SIDT2: variants seen among roughly 807,000 people sequenced by gnomAD.
SIDT2 encodes SID1 transmembrane family member 2.
In SIDT2, 68 loss-of-function variants were observed where a neutral mutation model predicts 114.4. The ratio of observed to expected loss-of-function variants is 0.59; its 90% CI spans 0.49 to 0.73. The LOEUF is 0.73. SIDT2 is among the 30% of genes least tolerant of loss of function. SIDT2 has a pLI of 0.00. For synonymous variants in SIDT2, 470 were observed against 438.4 expected, an observed-to-expected ratio of 1.07 and a Z score of -0.90; for missense variants, 918 against 1,097.1, an observed-to-expected ratio of 0.84 and a Z score of 2.31.
chr11:117,183,256 A>C (rs1478976912), intron 6 of SIDT2, among the ~76,000 whole-genome samples: 1 of 151,878 alleles, frequency 6.6e-6, no homozygotes, highest in Non-Finnish European at 1.5e-5. Flanking sequence ...GAGTCAGGAG[A>C]ATCACTTGAA....
At chr11:117,193,464 A>G (rs929691198) in intron 23 of SIDT2, among the ~76,000 whole-genome samples, 2 of 152,198 alleles carry the variant, frequency 1.3e-5, no homozygotes, top group Non-Finnish European at 2.9e-5. Context: ...AGGGCCCTTG[A>G]AACAGGTGGC....
chr11:117,184,196 A>G (rs2030407936), intron 8 of SIDT2, 57 bp downstream of exon 8: 1 of 1,555,500 alleles, frequency 6.4e-7, no homozygotes, highest in Admixed American at 1.7e-5. Context: ...TCCTGCTTTC[A>G]GACCTGGGAT....
In SIDT2 at chr11:117,193,936, C is replaced by T. The variant is rs535566106; in HGVS notation, c.2295C>T (p.Phe765=). The T allele has an allele frequency of 3.7e-5, 60 of 1,614,082 alleles. No individual in the cohort carries two copies. Among genetic ancestry groups the T allele is most frequent in the Middle Eastern group, 1.6e-4 (1 of 6,062 alleles). The change falls in exon 24 of 26, where the codon TTC becomes TTT. Residue 765 remains phenylalanine (F), a synonymous_variant. Transcript: ENST00000324225. The part of the protein sequence containing the change: ...TSVVWGFALF[F]FFQGLSTWQK... ...TGGTCTGGGGCTTCGCGCTCTTCTT[C>T]TTCTTCCAGGGACTCAGCACCTGGC...
At position 117,192,579 on chromosome 11, in the gene SIDT2, G is replaced by T. The variant is rs777613541; in HGVS notation, c.1987G>T (p.Gly663Trp). The T allele has an allele frequency of 3.7e-6, 6 of 1,608,290 alleles. No individual in the cohort carries two copies. The highest frequency in any genetic ancestry group is 5.1e-6 in the Non-Finnish European group (6 of 1,179,686). Reference sequence around the variant, plus strand: ...CCACTCCCTTCTCTTCGCAGACTCGGGGATCTTCCGCCGCATCCTCCACGT... The same window carrying T: ...CCACTCCCTTCTCTTCGCAGACTCGTGGATCTTCCGCCGCATCCTCCACGT... ...YYMGRWKLDSGIFRRILHVLY... is the reference protein window; with the variant it reads ...YYMGRWKLDSWIFRRILHVLY... The change falls in exon 21 of 26, where the codon GGG becomes TGG. Residue 663 changes from glycine (G) to tryptophan (W), a missense_variant. Transcript: ENST00000324225. This position sits in a 1 kb window ranked among gnomAD's most constrained non-coding sequence, Gnocchi z 5.9.
chr11:117,192,785 C>G lies in SIDT2; in HGVS notation c.2059-35C>G. The G allele has an allele frequency of 5.0e-6, 8 of 1,614,034 alleles. No homozygotes were observed. The highest frequency in any genetic ancestry group is 6.8e-6 in the Non-Finnish European group (8 of 1,179,978). On this transcript the variant is annotated intron_variant, in intron 21 of 25. Coordinates refer to ENST00000324225, the MANE Select transcript of SIDT2 (RefSeq NM_001040455.2). The surrounding 1 kb of genome is among the most constrained non-coding windows in gnomAD (Gnocchi z 5.9). ...CCTTCTTCCACCACCCTCCCTGCCC[C>G]TGCCCTCAGTCCCTGTGTCCCTGCT...
Position 117,181,938 on chromosome 11 carries a change from T to C in SIDT2, c.437T>C (p.Leu146Pro). Reference protein sequence around the residue: ...TLSPVNTTYQLRVSRMDDFVL... With the variant: ...TLSPVNTTYQPRVSRMDDFVL... Reference sequence around the variant, plus strand: ...TCACCAGTCAACACCACATACCAGCTCCGGGTCAGCCGCATGGACGATTTT... The same window carrying C: ...TCACCAGTCAACACCACATACCAGCCCCGGGTCAGCCGCATGGACGATTTT... The change falls in exon 3 of 26, where the codon CTC becomes CCC. Residue 146 changes from leucine to proline, a missense_variant. Physicochemically the swap from Leu to Pro is moderately conservative, Grantham distance 98. Transcript: ENST00000324225. 1 of 1,614,072 alleles carries C rather than the reference T, an allele frequency of 6.2e-7. No homozygotes were observed. Among genetic ancestry groups the C allele is most frequent in the Non-Finnish European group, 8.5e-7 (1 of 1,180,022 alleles).
intron 2 of SIDT2, 43 bp downstream of exon 2, chr11:117,181,580 C>T (rs758791953): frequency 1.9e-6 from 3 of 1,610,452 alleles, no homozygotes; most frequent in Non-Finnish European, 2.5e-6. Context: ...CAGCCTAGGC[C>T]AGTCCTTGGC....
Position 117,181,486 on chromosome 11 carries a change from G to T in SIDT2, c.254G>T (p.Arg85Leu). Reference sequence around the variant, plus strand: ...GGGGCGCCGTTGCTGTTTGTGGTCCGCCAGAAGGAGGCTGTGGTGTCCTTC... The same window carrying T: ...GGGGCGCCGTTGCTGTTTGTGGTCCTCCAGAAGGAGGCTGTGGTGTCCTTC... ...QKGAPLLFVV[R>L]QKEAVVSFQV... The change falls in exon 2 of 26, where the codon CGC becomes CTC. Residue 85 changes from arginine to leucine, a missense_variant. Physicochemically the swap from Arg to Leu is moderately radical, Grantham distance 102. Transcript: ENST00000324225. 2 of 1,613,812 alleles carry T rather than the reference G, an allele frequency of 1.2e-6. No individual in the cohort carries two copies. Among genetic ancestry groups the T allele is most frequent in the South Asian group, 1.1e-5 (1 of 91,050 alleles).
chr11:117,195,699 T>G, intron 24 of SIDT2, 103 bp from the exon 25 acceptor site: 1 of 1,174,032 alleles, frequency 8.5e-7, no homozygotes, highest in Non-Finnish European at 1.3e-6. Context: ...CTGTCCTGCC[T>G]GGGGCTGGAG....
rs879517814 is a variant in SIDT2, at chr11:117,190,559, T to G, written c.1618-64T>G. The G allele has an allele frequency of 9.4e-5, 129 of 1,368,516 alleles. 1 individual carries two copies. The Admixed American group carries it at 2.3e-3, about 25-fold the overall frequency. The allele number at this position is 1,368,516 out of a possible 1,614,324, so 84.8% of individuals were successfully genotyped here. On this transcript the variant is annotated intron_variant, in intron 17 of 25. Coordinates refer to ENST00000324225, the MANE Select transcript of SIDT2 (RefSeq NM_001040455.2). The surrounding 1 kb of genome is among the most constrained non-coding windows in gnomAD (Gnocchi z 4.1). ...TCCACTCCTCTTAGGGTCCCTCTTT[T>G]GGGTCCCTTCTTCCCTTCCTGCCTC... is the stretch of plus-strand genomic sequence containing the variant.
At chr11:117,186,692 T>G (rs1591768453) in intron 10 of SIDT2, 56 bp downstream of exon 10, 15 of 1,204,458 alleles carry the variant, frequency 1.2e-5, no homozygotes, top group Middle Eastern at 2.3e-4. Context: ...TTTTGGGGGG[T>G]GGTGGTGGAT....
rs541779477 is a variant in SIDT2 at position 117,188,907 on chromosome 11, G to T, written c.1278+81G>T. ...GTTCCCGCCCCAGCATGTTCCCACT[G>T]ACGTGGCATTTAGGGAAGCAGAAGG... On this transcript the variant is annotated intron_variant, in intron 13 of 25. Coordinates refer to ENST00000324225, the MANE Select transcript of SIDT2 (RefSeq NM_001040455.2). The surrounding 1 kb of genome is among the most constrained non-coding windows in gnomAD (Gnocchi z 4.0). 3.6e-5 allele frequency: 50 copies of T among 1,391,884 alleles called. No individual in the cohort carries two copies. Among genetic ancestry groups the T allele is most frequent in the Non-Finnish European group, 4.6e-5 (45 of 978,796 alleles). 86.2% of individuals were successfully genotyped at this position (1,391,884 alleles called of 1,614,324 possible).
intron 15 of SIDT2, 96 bp downstream of exon 15, chr11:117,189,497 G>T: frequency 7.4e-7 from 1 of 1,356,390 alleles, no homozygotes; most frequent in Non-Finnish European, 1.0e-6. Flanking sequence ...TCCATCACAG[G>T]ACCTGGGTTC....
rs368520583 is a variant in SIDT2, at chr11:117,190,752, G to A, written c.1735+12G>A. On this transcript the variant is annotated intron_variant, in intron 18 of 25. Coordinates refer to ENST00000324225, the MANE Select transcript of SIDT2 (RefSeq NM_001040455.2). The surrounding 1 kb of genome is among the most constrained non-coding windows in gnomAD (Gnocchi z 4.1). ...CAATTTCCAGTTTGGTGAGTGGGGC[G>A]TCCTTCTTTTCTGGCTCAACCTACA... The A allele has an allele frequency of 4.7e-5, 76 of 1,602,242 alleles. No individual in the cohort carries two copies. The highest frequency in any genetic ancestry group is 3.3e-4 in the Middle Eastern group (2 of 6,044).
intron 4 of SIDT2, 173 bp downstream of exon 4, chr11:117,182,278 T>C: frequency 1.3e-6 from 1 of 784,680 alleles, no homozygotes; most frequent in Non-Finnish European, 2.1e-6. Context: ...AGCATGGGAC[T>C]GTACAGAGAC....
Position 117,190,387 on chromosome 11 carries a change from T to C in SIDT2, c.1617+98T>C. 6.8e-7 allele frequency: 1 copy of C among 1,480,706 alleles called. No individual in the cohort carries two copies. The highest frequency in any genetic ancestry group is 9.0e-7 in the Non-Finnish European group (1 of 1,111,590). 91.7% of individuals were successfully genotyped at this position (1,480,706 alleles called of 1,614,324 possible). The stretch of plus-strand genomic sequence containing the variant: ...CTTTTGGGCAGGCCTGGCCCTGCCT[T>C]CCCCAGCTCTCCCCTCCCCAGTTCT... On this transcript the variant is annotated intron_variant, in intron 17 of 25. Coordinates refer to ENST00000324225, the MANE Select transcript of SIDT2 (RefSeq NM_001040455.2). This position sits in a 1 kb window ranked among gnomAD's most constrained non-coding sequence, Gnocchi z 4.1.
Position 117,188,618 on chromosome 11 carries a change from C to T in SIDT2, c.1160-90C>T, listed in dbSNP as rs2134255070. On this transcript the variant is annotated intron_variant, in intron 12 of 25. Coordinates refer to ENST00000324225, the MANE Select transcript of SIDT2 (RefSeq NM_001040455.2). The surrounding 1 kb of genome is among the most constrained non-coding windows in gnomAD (Gnocchi z 4.0). ...CCACAATTTGCCTCTTCCCTACTGC[C>T]TAATAATTGTTACAATTGCCTCAGA... 3.9e-6 allele frequency: 4 copies of T among 1,032,666 alleles called. No individual in the cohort carries two copies. The South Asian group carries it at 5.2e-5, about 13-fold the overall frequency. 64.0% of individuals were successfully genotyped at this position (1,032,666 alleles called of 1,614,324 possible). A position where few individuals can be genotyped will look rare whatever the true frequency, so the allele number is the denominator to read the frequency against.
chr11:117,182,551 C>T lies in SIDT2; in HGVS notation c.549C>T (p.Asp183=), dbSNP rs138740701. The T allele has an allele frequency of 6.2e-7, 1 of 1,614,232 alleles. No individual in the cohort carries two copies. The change falls in exon 5 of 26, where the codon GAC becomes GAT. Residue 183 remains aspartate, a synonymous_variant. Transcript: ENST00000324225. Reference sequence around the variant, plus strand: ...AGTATGAGTTCCCTGAAGGCGTGGACTCGGTAATTGTCAAGGTGACCTCCA... The same window carrying T: ...AGTATGAGTTCCCTGAAGGCGTGGATTCGGTAATTGTCAAGGTGACCTCCA... The part of the protein sequence containing the change: ...YFKYEFPEGV[D]SVIVKVTSNK...
chr11:117,193,563 C>T (rs2030778263), intron 23 of SIDT2, among the ~76,000 whole-genome samples: 1 of 152,146 alleles, frequency 6.6e-6, no homozygotes, highest in Non-Finnish European at 1.5e-5. Flanking sequence ...AGGTGCTTCC[C>T]CAGAAACCAT....
Sources: gnomAD v4.1 joint callset for allele counts (sites outside exome capture counted in the v4.1 genomes callset) on GRCh38, gnomAD v4.1.1 for gene constraint, Gnocchi (gnomAD v3.1) non-coding constraint, MANE v1.5 for transcripts, NCBI Gene and HGNC (gene_info 2026-07-23, HGNC 2026-07-21) for gene names.